Variants in FOXN3 observed in about 807,000 individuals in gnomAD.
FOXN3 encodes forkhead box protein N3.
In FOXN3, 7 loss-of-function variants were observed where a neutral mutation model predicts 38.4. That is an observed-to-expected ratio of 0.18 (90% CI 0.10 to 0.34). FOXN3 has a LOEUF of 0.34. Among genes scored for constraint, FOXN3 ranks in the 10% least tolerant of loss-of-function variants. The pLI is 1.00. For synonymous variants in FOXN3, 230 were observed against 242.2 expected, an observed-to-expected ratio of 0.95 and a Z score of 0.47; for missense variants, 456 against 613.4, an observed-to-expected ratio of 0.74 and a Z score of 2.71.
In FOXN3 at chr14:89,192,648, T is replaced by G. The variant is rs1419528405; in HGVS notation, c.746-11842A>C. Reference sequence around the variant, plus strand: ...TAATATAAACTATATAAATCTTATATAGTTTATATATACTATTATATATAA... The same window carrying G: ...TAATATAAACTATATAAATCTTATAGAGTTTATATATACTATTATATATAA... On this transcript the variant is annotated intron_variant, in intron 4 of 5. Coordinates refer to ENST00000557258, the MANE Select transcript of FOXN3 (RefSeq NM_005197.4). 2.1e-5 allele frequency among the ~76,000 whole-genome samples: 3 copies of G among 141,390 alleles called. No homozygotes were observed. In the South Asian group the frequency reaches 7.0e-4, roughly 33 times the overall value. The allele number at this position is 141,390 out of a possible 152,430, so 92.8% of individuals were successfully genotyped here. A position where few individuals can be genotyped will look rare whatever the true frequency, so the allele number is the denominator to read the frequency against.
rs148290827 is a variant in FOXN3, at chr14:89,261,060, G to C, written c.745+19890C>G. On this transcript the variant is annotated intron_variant, in intron 4 of 5. Coordinates refer to ENST00000557258, the MANE Select transcript of FOXN3 (RefSeq NM_005197.4). ...TGAACCACAGGTTGAGCCTTGGGTT[G>C]GGCTGACCCTGGAGTTGGGGTCATC... Among the ~76,000 whole-genome samples the C allele has an allele frequency of 3.9e-3, 597 of 152,334 alleles. 3 individuals are homozygous for C. Among genetic ancestry groups the C allele is most frequent in the African/African-American group, 0.014 (572 of 41,568 alleles).
intron 3 of FOXN3, among the ~76,000 whole-genome samples, chr14:89,343,680 CAG>C (rs1366433861): frequency 9.2e-6 from 1 of 108,890 alleles, no homozygotes; most frequent in Admixed American, 9.6e-5. Context: ...AGGAAGCAAA[CAG>C]AAACAGCTAA....
At chr14:89,363,025 A>C (rs1889936965) in intron 2 of FOXN3, among the ~76,000 whole-genome samples, 1 of 152,132 alleles carries the variant, frequency 6.6e-6, no homozygotes, top group Non-Finnish European at 1.5e-5. Flanking sequence ...GAGGAACACA[A>C]ACAAGAAGTG....
At chr14:89,408,132 C>G (rs544347029) in intron 2 of FOXN3, among the ~76,000 whole-genome samples, 1 of 152,316 alleles carries the variant, frequency 6.6e-6, no homozygotes, top group South Asian at 2.1e-4. Flanking sequence ...GGAAAGACCT[C>G]AAGAGGGCAC....
intron 4 of FOXN3, among the ~76,000 whole-genome samples, chr14:89,235,793 C>G (rs373652998): frequency 7.1e-6 from 1 of 140,246 alleles, no homozygotes; most frequent in Admixed American, 6.7e-5. Context: ...GGCCACAAGT[C>G]GAGGAATGCA....
chr14:89,446,319 G>A (rs1892499150), intron 1 of FOXN3, among the ~76,000 whole-genome samples: 1 of 151,070 alleles, frequency 6.6e-6, no homozygotes, highest in Non-Finnish European at 1.5e-5. Context: ...CTCCCGAGTA[G>A]CTGGGATTAC....
intron 3 of FOXN3, among the ~76,000 whole-genome samples, chr14:89,285,775 T>C (rs1451164526): frequency 3.9e-5 from 6 of 152,048 alleles, no homozygotes; most frequent in Non-Finnish European, 7.4e-5. Flanking sequence ...CGGAGGTTGG[T>C]TGTACAACAA....
intron 3 of FOXN3, among the ~76,000 whole-genome samples, chr14:89,322,336 A>C (rs1002057435): frequency 6.6e-6 from 1 of 152,236 alleles, no homozygotes; most frequent in Admixed American, 6.5e-5. Flanking sequence ...AAATGGCTTC[A>C]TTCATCTATC....
At chr14:89,585,777 G>A (rs1895829497) in intron 1 of FOXN3, among the ~76,000 whole-genome samples, 1 of 148,614 alleles carries the variant, frequency 6.7e-6, no homozygotes, top group African/African-American at 2.4e-5. Context: ...AAAAAAGAAA[G>A]GAAGGAAGAA....
intron 1 of FOXN3, among the ~76,000 whole-genome samples, chr14:89,464,847 A>ATG (rs1892939515): frequency 6.6e-6 from 1 of 151,778 alleles, no homozygotes; most frequent in Non-Finnish European, 1.5e-5. Context: ...ACAGCTGCCC[A>ATG]CCACCACGCC....
intron 3 of FOXN3, among the ~76,000 whole-genome samples, chr14:89,332,675 G>A (rs994438435): frequency 1.3e-5 from 2 of 152,148 alleles, no homozygotes; most frequent in African/African-American, 4.8e-5. Flanking sequence ...GACACCAAAA[G>A]TACAGGCACA....
intron 3 of FOXN3, among the ~76,000 whole-genome samples, chr14:89,315,524 C>T (rs79680094): frequency 3.3e-5 from 5 of 152,090 alleles, no homozygotes; most frequent in Admixed American, 2.0e-4. Context: ...CCCCCTTCCC[C>T]GAACTCTCCT....
In FOXN3 at chr14:89,284,607, A is replaced by C. The variant is rs878910752; in HGVS notation, c.681-3593T>G. 5 of 455,608 alleles carry C rather than the reference A, an allele frequency of 1.1e-5. No individual in the cohort carries two copies. The Admixed American group carries it at 1.2e-4, about 11-fold the overall frequency. The allele number at this position is 455,608 out of a possible 1,614,324, so 28.2% of individuals were successfully genotyped here. A position where few individuals can be genotyped will look rare whatever the true frequency, so the allele number is the denominator to read the frequency against. On this transcript the variant is annotated intron_variant, in intron 3 of 5. Coordinates refer to ENST00000557258, the MANE Select transcript of FOXN3 (RefSeq NM_005197.4). ...GCTAGAAAAAGCAATCAGACTAACC[A>C]TATGTGAAAGACACGCGGGCTCCTA... is the stretch of plus-strand genomic sequence containing the variant.
At chr14:89,397,942 C>T (rs954911588) in intron 2 of FOXN3, among the ~76,000 whole-genome samples, 1 of 152,202 alleles carries the variant, frequency 6.6e-6, no homozygotes, top group Admixed American at 6.5e-5. Flanking sequence ...CCTTATGCGT[C>T]CCTACCTCTG....
At chr14:89,242,218 C>T (rs528390047) in intron 4 of FOXN3, among the ~76,000 whole-genome samples, 1 of 152,236 alleles carries the variant, frequency 6.6e-6, no homozygotes, top group Non-Finnish European at 1.5e-5. Context: ...GGCAGCCTTC[C>T]AGGTTCCAGT....
intron 1 of FOXN3, among the ~76,000 whole-genome samples, chr14:89,466,697 T>A (rs141645134): frequency 7.6e-4 from 116 of 152,228 alleles, no homozygotes; most frequent in African/African-American, 2.6e-3. Context: ...CCTCCCTAAC[T>A]AAAGCCACCC....
At chr14:89,192,728 AGTT>A (rs942649444) in intron 4 of FOXN3, among the ~76,000 whole-genome samples, 1 of 145,784 alleles carries the variant, frequency 6.9e-6, no homozygotes, top group Non-Finnish European at 1.5e-5. Context: ...ATTATATAAT[AGTT>A]AATATATGTA....
chr14:89,163,941 G>A lies in FOXN3; in HGVS notation c.852-972C>T, dbSNP rs1013250097. On this transcript the variant is annotated intron_variant, in intron 5 of 5. Transcript: ENST00000557258. This position sits in a 1 kb window ranked among gnomAD's most constrained non-coding sequence, Gnocchi z 4.3. ...TCCCTGCTACCCATGCCTATAAGGC[G>A]TCTGTAGCACTCATCACACCTCTGA... is the stretch of plus-strand genomic sequence containing the variant. 1.3e-4 allele frequency among the ~76,000 whole-genome samples: 20 copies of A among 152,328 alleles called. No homozygotes were observed. The highest frequency in any genetic ancestry group is 4.1e-4 in the African/African-American group (17 of 41,564).
intron 3 of FOXN3, among the ~76,000 whole-genome samples, chr14:89,300,163 C>T (rs930466660): frequency 8.7e-5 from 13 of 149,304 alleles, no homozygotes; most frequent in Middle Eastern, 3.3e-3. Flanking sequence ...GGATTTCAAG[C>T]GAGATCAAGA....
Sources: gnomAD v4.1 joint callset for allele counts (sites outside exome capture counted in the v4.1 genomes callset) on GRCh38, gnomAD v4.1.1 for gene constraint, Gnocchi (gnomAD v3.1) non-coding constraint, MANE v1.5 for transcripts, NCBI Gene and HGNC (gene_info 2026-07-23, HGNC 2026-07-21) for gene names.